Variants in MARVELD2 observed in about 807,000 individuals in gnomAD.
The protein encoded by MARVELD2 is MARVEL domain-containing protein 2.
A neutral mutation model predicts 57.6 loss-of-function variants in MARVELD2; 49 were observed. The observed-to-expected ratio is 0.85, with a 90% confidence interval of 0.68 to 1.08. The LOEUF (loss-of-function observed/expected upper bound fraction) is 1.08, where lower values mean the gene tolerates loss of function less well. Ranked by LOEUF, MARVELD2 falls within the 50% of genes least tolerant of loss-of-function variation. The pLI is 0.00. For missense variants in MARVELD2, 606 were observed against 701.1 expected, an observed-to-expected ratio of 0.86 and a Z score of 1.53; for synonymous variants, 238 against 258.8, an observed-to-expected ratio of 0.92 and a Z score of 0.77.
In MARVELD2 at chr5:69,419,780, C is replaced by G; in HGVS notation, c.395C>G (p.Ser132Cys). The G allele has an allele frequency of 6.2e-7, 1 of 1,614,204 alleles. No homozygotes were observed. Among genetic ancestry groups the G allele is most frequent in the East Asian group, 2.2e-5 (1 of 44,886 alleles). Residue 132 changes from serine (S) to cysteine (C), a missense_variant, in exon 2 of 7, where the codon TCC (serine) becomes TGC (cysteine). Transcript: ENST00000325631. The stretch of plus-strand genomic sequence containing the variant: ...CCAAACCACCGTTCGCCCCTCAACT[C>G]CTGCAAAGATCCCTACGGAGGGTCA... ...ARPNHRSPLN[S>C]CKDPYGGSEG...
intron 3 of MARVELD2, among the ~76,000 whole-genome samples, chr5:69,431,506 G>C (rs7729938): frequency 0.85 from 129,559 of 152,186 alleles, 56,457 homozygotes; most frequent in Non-Finnish European, 0.95. Context: ...ATTTAAGTAG[G>C]CTTGTTCCAT....
At position 69,419,916 on chromosome 5, in the gene MARVELD2, G is replaced by C. The variant is rs761718387; in HGVS notation, c.531G>C (p.Glu177Asp). 6.8e-6 allele frequency: 11 copies of C among 1,614,180 alleles called. No homozygotes were observed. Among genetic ancestry groups the C allele is most frequent in the Admixed American group, 1.7e-5 (1 of 60,022 alleles). ...TTCGAACATACAGTGAGAAGGTGGA[G>C]GAGTATAACCTGAGATACTCCTACA... ...QTVRTYSEKV[E>D]EYNLRYSYMK... The change falls in exon 2 of 7, where the codon GAG (glutamate) becomes GAC (aspartate). Residue 177 changes from glutamate (E) to aspartate (D), a missense_variant. Transcript: ENST00000325631.
At chr5:69,423,665 G>T (rs1766697089) in intron 2 of MARVELD2, among the ~76,000 whole-genome samples, 6 of 151,934 alleles carry the variant, frequency 3.9e-5, no homozygotes, top group Admixed American at 3.9e-4. Context: ...TAGAGACGGG[G>T]TCTTGCTATG....
intron 2 of MARVELD2, among the ~76,000 whole-genome samples, chr5:69,422,041 A>G (rs545756128): frequency 3.3e-5 from 5 of 152,132 alleles, no homozygotes; most frequent in East Asian, 1.9e-4. Context: ...CACTTCCCCA[A>G]TCAATACCCT....
Position 69,433,085 on chromosome 5 carries a change from A to C in MARVELD2, c.1495A>C (p.Ser499Arg). ...VMSRLPHHSE[S>R]RQEHERISRI... ...GAGCAGATTGCCACATCATTCGGAA[A>C]GCCGACAGGTTAGTATGTGCAGCTG... Residue 499 changes from serine to arginine, a missense_variant, in exon 5 of 7, where the codon AGC becomes CGC. By Grantham distance (110) the Ser-to-Arg change is moderately radical (BLOSUM62 -1). Transcript: ENST00000325631. The C allele has an allele frequency of 6.2e-7, 1 of 1,613,304 alleles. No homozygotes were observed. The highest frequency in any genetic ancestry group is 1.1e-5 in the South Asian group (1 of 91,054).
intron 1 of MARVELD2, 111 bp from the exon 2 acceptor site, chr5:69,419,260 G>A: frequency 9.4e-7 from 1 of 1,061,738 alleles, no homozygotes; most frequent in Non-Finnish European, 1.4e-6. Flanking sequence ...ATAATAATTA[G>A]ACATGATCCT....
Position 69,416,301 on chromosome 5 carries a change from A to AT in MARVELD2, c.-16+1131_-16+1132insT, listed in dbSNP as rs1196694609. Among the ~76,000 whole-genome samples the AT allele has an allele frequency of 3.0e-3, 461 of 152,368 alleles. 2 individuals are homozygous for AT. The highest frequency in any genetic ancestry group is 0.011 in the African/African-American group (442 of 41,588). On this transcript the variant is annotated intron_variant, in intron 1 of 6. Transcript: ENST00000325631. The stretch of plus-strand genomic sequence containing the variant: ...GAAAGAAAGAGAAAGGTACAAAAAT[A>AT]ACTGATTGTTATAATATACAGAGCC...
At chr5:69,441,094 A>T (rs1433002076) in intron 6 of MARVELD2, among the ~76,000 whole-genome samples, 1 of 152,168 alleles carries the variant, frequency 6.6e-6, no homozygotes, top group Admixed American at 6.6e-5. Context: ...AAAAGAAAAA[A>T]AAAATCAGTA....
chr5:69,430,697 C>G (rs1766934670), intron 3 of MARVELD2, among the ~76,000 whole-genome samples: 1 of 151,554 alleles, frequency 6.6e-6, no homozygotes, highest in South Asian at 2.1e-4. Context: ...CCACATCCGG[C>G]TAATTTTTGT....
rs749142681 is a variant in MARVELD2 at position 69,420,531 on chromosome 5, G to T, written c.1146G>T (p.Glu382Asp). Residue 382 changes from glutamate to aspartate, a missense_variant and splice_region_variant, in exon 2 of 7, where the codon GAG (glutamate) becomes GAT (aspartate). Transcript: ENST00000325631. Reference sequence around the variant, plus strand: ...ATAGAGAATATATGGAACAACAGGAGGTAAGTGATTTCATAATCCCTCATT... The same window carrying T: ...ATAGAGAATATATGGAACAACAGGATGTAAGTGATTTCATAATCCCTCATT... ...RRHREYMEQQ[E>D]INEPSLSSKR... The T allele has an allele frequency of 3.7e-6, 6 of 1,608,852 alleles. No homozygotes were observed. The highest frequency in any genetic ancestry group is 4.2e-6 in the Non-Finnish European group (5 of 1,179,840).
At position 69,441,559 on chromosome 5, in the gene MARVELD2, C is replaced by T. The variant is rs533462435; in HGVS notation, c.1582C>T (p.Arg528Cys). The stretch of plus-strand genomic sequence containing the variant: ...TCCTACATTTCTGGAAAAAAAAGAA[C>T]GCTGTGATTACCTAAAGAATAAACT... The part of the protein sequence containing the change: ...NDPTFLEKKE[R>C]CDYLKNKLSH... Residue 528 changes from arginine (R) to cysteine (C), a missense_variant, in exon 7 of 7, where the codon CGC (arginine) becomes TGC (cysteine). Physicochemically the swap from Arg to Cys is radical, Grantham distance 180 (BLOSUM62 -3). Transcript: ENST00000325631. 58 of 1,607,448 alleles carry T rather than the reference C, an allele frequency of 3.6e-5. No homozygotes were observed. Among genetic ancestry groups the T allele is most frequent in the African/African-American group, 4.0e-5 (3 of 74,770 alleles).
Position 69,432,996 on chromosome 5 carries a change from A to T in MARVELD2, c.1406A>T (p.Tyr469Phe), listed in dbSNP as rs1399225116. The T allele has an allele frequency of 6.2e-7, 1 of 1,614,110 alleles. No individual in the cohort carries two copies. Among genetic ancestry groups the T allele is most frequent in the African/African-American group, 1.3e-5 (1 of 74,954 alleles). ...GTGTTCCAAGACCAGTTTTCAGAGT[A>T]CAAAGAGCTGTCTGCAGAAGTTCAG... ...KAVFQDQFSE[Y>F]KELSAEVQAV... is the part of the protein sequence containing the mutation. Residue 469 changes from tyrosine to phenylalanine, a missense_variant, in exon 5 of 7, where the codon TAC becomes TTC. Coordinates refer to ENST00000325631, the MANE Select transcript of MARVELD2 (RefSeq NM_001038603.3).
rs1195794146 is a variant in MARVELD2, at chr5:69,420,481, T to C, written c.1096T>C (p.Trp366Arg). The stretch of plus-strand genomic sequence containing the variant: ...TAGTGCTTTGGTTTGCCTAAAGTTA[T>C]GGAGGCATGAGGCAGCTCGGAGACA... ...LISALVCLKL[W>R]RHEAARRHRE... Residue 366 changes from tryptophan (W) to arginine (R), a missense_variant, in exon 2 of 7, where the codon TGG (tryptophan) becomes CGG (arginine). Physicochemically the swap from Trp to Arg is moderately radical, Grantham distance 101. Coordinates refer to ENST00000325631, the MANE Select transcript of MARVELD2 (RefSeq NM_001038603.3). 1 of 1,613,532 alleles carries C rather than the reference T, an allele frequency of 6.2e-7. No individual in the cohort carries two copies. Among genetic ancestry groups the C allele is most frequent in the East Asian group, 2.2e-5 (1 of 44,890 alleles).
intron 1 of MARVELD2, 140 bp downstream of exon 1, chr5:69,415,310 C>T (rs1378145896): frequency 6.6e-6 from 1 of 151,910 alleles, no homozygotes; most frequent in Non-Finnish European, 1.5e-5. Context: ...AGCCAGGGAT[C>T]CGGGGAGGCC....
intron 3 of MARVELD2, among the ~76,000 whole-genome samples, chr5:69,429,814 C>T (rs1395623454): frequency 6.8e-6 from 1 of 147,254 alleles, no homozygotes; most frequent in Non-Finnish European, 1.5e-5. Flanking sequence ...CCACTGCACT[C>T]CAGCCTGGGT....
chr5:69,422,812 A>G (rs1766670966), intron 2 of MARVELD2, among the ~76,000 whole-genome samples: 1 of 152,126 alleles, frequency 6.6e-6, no homozygotes. Flanking sequence ...TCTCCCCTGC[A>G]CACCCAGCTT....
At chr5:69,440,397 G>T in intron 5 of MARVELD2, 53 bp from the exon 6 acceptor site, 1 of 906,344 alleles carries the variant, frequency 1.1e-6, no homozygotes, top group South Asian at 1.4e-5. Context: ...TTTGAGATAT[G>T]ATTTGAGTAA....
intron 2 of MARVELD2, among the ~76,000 whole-genome samples, chr5:69,423,619 A>C (rs1169266369): frequency 6.6e-6 from 1 of 152,130 alleles, no homozygotes; most frequent in Admixed American, 6.5e-5. Context: ...ACATGTGTCC[A>C]TGTGATCTCT....
At chr5:69,424,145 C>T (rs990098376) in intron 2 of MARVELD2, among the ~76,000 whole-genome samples, 7 of 152,150 alleles carry the variant, frequency 4.6e-5, no homozygotes, top group African/African-American at 1.7e-4. Flanking sequence ...TGAGACTTTT[C>T]ATAATGCCTA....
Sources: gnomAD v4.1 joint callset for allele counts (sites outside exome capture counted in the v4.1 genomes callset) on GRCh38, gnomAD v4.1.1 for gene constraint, MANE v1.5 for transcripts, NCBI Gene and HGNC (gene_info 2026-07-23, HGNC 2026-07-21) for gene names.